RUNDC3B: variants seen among roughly 807,000 people sequenced by gnomAD.
RUNDC3B encodes the protein RUN domain containing 3B.
Under a neutral mutation model 58.4 loss-of-function variants are expected in RUNDC3B, and 33 were observed. The ratio of observed to expected loss-of-function variants is 0.56; its 90% confidence interval spans 0.43 to 0.75. The LOEUF (loss-of-function observed/expected upper bound fraction) is 0.75, where lower values mean the gene tolerates loss of function less well. Ranked by LOEUF, RUNDC3B falls within the 30% of genes least tolerant of loss-of-function variation. RUNDC3B has a pLI of 0.00. For missense variants in RUNDC3B, 501 were observed against 535.7 expected (o/e 0.94, Z 0.64); for synonymous variants, 193 against 195.2 (o/e 0.99, Z 0.10).
intron 8 of RUNDC3B, among the ~76,000 whole-genome samples, chr7:87,802,108 T>C (rs1185235321): frequency 3.9e-5 from 6 of 152,210 alleles, no homozygotes; most frequent in Non-Finnish European, 7.3e-5. Flanking sequence ...GATAAACTAA[T>C]AGACCGGCTG....
At chr7:87,801,094 C>G (rs1047498031) in intron 8 of RUNDC3B, among the ~76,000 whole-genome samples, 1 of 152,274 alleles carries the variant, frequency 6.6e-6, no homozygotes, top group Admixed American at 6.5e-5. Context: ...TGTGGTGTCA[C>G]TTTGCTTCTG....
intron 2 of RUNDC3B, among the ~76,000 whole-genome samples, chr7:87,652,920 T>G (rs1823729068): frequency 6.6e-6 from 1 of 151,946 alleles, no homozygotes; most frequent in Admixed American, 6.6e-5. Context: ...CTACAACTAC[T>G]GGTTATTTTT....
rs1833006291 is a variant in RUNDC3B at position 87,751,760 on chromosome 7, G to C, written c.629+10181G>C. On this transcript the variant is annotated intron_variant, in intron 6 of 10. Coordinates refer to ENST00000394654, the MANE Select transcript of RUNDC3B (RefSeq NM_001134405.2). ...GAGACTTTGCTGAAGTTGCTTATCA[G>C]CTTAAGGAGATTTTGGGCTGAGACA... Among the ~76,000 whole-genome samples, 2 of 152,146 alleles carry C rather than the reference G, an allele frequency of 1.3e-5. 1 individual carries two copies. The highest frequency in any genetic ancestry group is 4.1e-4 in the South Asian group (2 of 4,820).
intron 1 of RUNDC3B, among the ~76,000 whole-genome samples, chr7:87,637,257 T>G (rs1223474339): frequency 3.3e-5 from 5 of 152,262 alleles, no homozygotes; most frequent in African/African-American, 9.6e-5. Context: ...GGTCTGTTTC[T>G]AGACTTTCTT....
chr7:87,769,079 C>A (rs1328237273), intron 6 of RUNDC3B, among the ~76,000 whole-genome samples: 3 of 152,138 alleles, frequency 2.0e-5, no homozygotes, highest in Non-Finnish European at 4.4e-5. Flanking sequence ...CAGCTTACTG[C>A]AACCTCTACC....
At chr7:87,775,763 G>A (rs1261349433) in intron 7 of RUNDC3B, among the ~76,000 whole-genome samples, 1 of 152,058 alleles carries the variant, frequency 6.6e-6, no homozygotes, top group Non-Finnish European at 1.5e-5. Context: ...ATTGCCTACA[G>A]TACCCAGTAT....
chr7:87,807,469 T>C lies in RUNDC3B; in HGVS notation c.1053T>C (p.Ala351=). The C allele has an allele frequency of 2.5e-6, 4 of 1,613,554 alleles. No individual in the cohort carries two copies. The highest frequency in any genetic ancestry group is 3.4e-6 in the Non-Finnish European group (4 of 1,179,508). ...CTCCAGGAGCTCTGGATGTCAATGC[T>C]GTTGCCTTGGATACGTTGCTTTACC... ...WPSPGALDVN[A]VALDTLLYRK... The change falls in exon 9 of 11, where the codon GCT becomes GCC. Residue 351 remains alanine (A), a synonymous_variant. Coordinates refer to ENST00000394654, the MANE Select transcript of RUNDC3B (RefSeq NM_001134405.2).
At chr7:87,794,440 A>C (rs1046069388) in intron 8 of RUNDC3B, among the ~76,000 whole-genome samples, 2 of 152,120 alleles carry the variant, frequency 1.3e-5, no homozygotes, top group Non-Finnish European at 2.9e-5. Context: ...TCTAAAAAAC[A>C]AAACAGAACA....
chr7:87,638,970 G>A (rs1044223672), intron 1 of RUNDC3B, among the ~76,000 whole-genome samples: 1 of 152,014 alleles, frequency 6.6e-6, no homozygotes, highest in African/African-American at 2.4e-5. Context: ...GGCTAACACG[G>A]TGAAACCCCG....
At chr7:87,782,606 A>G (rs984133659) in intron 8 of RUNDC3B, among the ~76,000 whole-genome samples, 3 of 152,122 alleles carry the variant, frequency 2.0e-5, no homozygotes, top group Non-Finnish European at 4.4e-5. Flanking sequence ...GTAAACATTT[A>G]GTGATAAAAA....
intron 8 of RUNDC3B, among the ~76,000 whole-genome samples, chr7:87,779,672 T>C (rs1834825744): frequency 6.6e-6 from 1 of 152,182 alleles, no homozygotes; most frequent in African/African-American, 2.4e-5. Flanking sequence ...ATTTGCAGGT[T>C]TGTTACATGG....
At chr7:87,732,091 A>G (rs1466780557) in intron 4 of RUNDC3B, among the ~76,000 whole-genome samples, 1 of 152,202 alleles carries the variant, frequency 6.6e-6, no homozygotes, top group Non-Finnish European at 1.5e-5. Context: ...GTAAAACTAG[A>G]AATCAATAAC....
chr7:87,829,684 T>G (rs1472867619), intron 10 of RUNDC3B, among the ~76,000 whole-genome samples: 3 of 151,704 alleles, frequency 2.0e-5, no homozygotes, highest in Non-Finnish European at 4.4e-5. Flanking sequence ...AACTGTAGGA[T>G]TTTTTTTCTA....
chr7:87,769,581 T>C (rs555910652), intron 6 of RUNDC3B, among the ~76,000 whole-genome samples: 1 of 152,292 alleles, frequency 6.6e-6, no homozygotes, highest in East Asian at 1.9e-4. Flanking sequence ...ATTGCTCATA[T>C]TTAAAATTTT....
At chr7:87,738,617 G>A (rs975076616) in intron 4 of RUNDC3B, among the ~76,000 whole-genome samples, 4 of 151,874 alleles carry the variant, frequency 2.6e-5, no homozygotes, top group Non-Finnish European at 5.9e-5. Context: ...ACGAAACGTA[G>A]ATTTAATAGA....
chr7:87,637,712 G>T (rs866398180), intron 1 of RUNDC3B, among the ~76,000 whole-genome samples: 1 of 151,770 alleles, frequency 6.6e-6, no homozygotes, highest in South Asian at 2.1e-4. Context: ...TCATTTTCTT[G>T]TGGTTGTTGG....
chr7:87,712,579 CTTAGT>C (rs1253652784), intron 4 of RUNDC3B, among the ~76,000 whole-genome samples: 2 of 151,892 alleles, frequency 1.3e-5, no homozygotes, highest in Non-Finnish European at 2.9e-5. Context: ...AGTCTTGTTT[CTTAGT>C]TTAAATGATT....
chr7:87,662,679 G>A (rs1824836720), intron 2 of RUNDC3B, among the ~76,000 whole-genome samples: 2 of 152,076 alleles, frequency 1.3e-5, no homozygotes, highest in Non-Finnish European at 2.9e-5. Context: ...TTTGAAGTCA[G>A]GGAATGTGAT....
chr7:87,757,259 T>C (rs1833424680), intron 6 of RUNDC3B, among the ~76,000 whole-genome samples: 1 of 152,176 alleles, frequency 6.6e-6, no homozygotes, highest in Non-Finnish European at 1.5e-5. Context: ...ACTATAGTTA[T>C]GCTTGATTTT....
Sources: gnomAD v4.1 joint callset for allele counts (sites outside exome capture counted in the v4.1 genomes callset) on GRCh38, gnomAD v4.1.1 for gene constraint, MANE v1.5 for transcripts, NCBI Gene and HGNC (gene_info 2026-07-23, HGNC 2026-07-21) for gene names.